The following EEF1E1 variants were observed in gnomAD, a reference collection of about 807,000 sequenced individuals.
EEF1E1 encodes the protein eukaryotic translation elongation factor 1 epsilon 1.
EEF1E1 carries 19 observed loss-of-function variants against 19.9 expected under a neutral mutation model. The observed-to-expected ratio is 0.95, with a 90% CI of 0.66 to 1.40. The LOEUF (loss-of-function observed/expected upper bound fraction) is 1.40. Among genes scored for constraint, EEF1E1 ranks in the 40% most tolerant of loss-of-function variants. The pLI is 0.00. For missense variants in EEF1E1, 198 were observed against 202.2 expected (o/e 0.98, Z 0.13); for synonymous variants, 81 against 80.0 (o/e 1.01, Z -0.07).
In EEF1E1 at chr6:8,101,246, ATATATATATATAT is replaced by A. The variant is rs1758352289; in HGVS notation, c.87+1176_87+1188del. On this transcript the variant is annotated intron_variant, in intron 1 of 3. Transcript: ENST00000379715. Reference sequence around the variant, plus strand: ...GTCTCAAAAAAAAAAAAAAAAAAATATATATATATATATATATATATATATATATATATATATG... The same window carrying A: ...GTCTCAAAAAAAAAAAAAAAAAAATAATATATATATATATATATATATATG... Among the ~76,000 whole-genome samples the A allele has an allele frequency of 4.4e-4, 21 of 47,196 alleles. 4 individuals carry two copies. The highest frequency in any genetic ancestry group is 1.5e-3 in the African/African-American group (14 of 9,278). 31.0% of individuals were successfully genotyped at this position (47,196 alleles called of 152,430 possible).
intron 3 of EEF1E1, among the ~76,000 whole-genome samples, chr6:8,080,734 A>T (rs1354013222): frequency 6.6e-6 from 1 of 152,262 alleles, no homozygotes; most frequent in Non-Finnish European, 1.5e-5. Context: ...TCAGGTAAAG[A>T]GAAAACCAGT....
intron 3 of EEF1E1, chr6:8,073,631 T>G: frequency 7.4e-7 from 1 of 1,349,686 alleles, no homozygotes; most frequent in Non-Finnish European, 9.9e-7. Context: ...TTAACAGATA[T>G]TTTAAAAAGT....
chr6:8,091,742 G>A (rs1758016258), intron 2 of EEF1E1, among the ~76,000 whole-genome samples: 2 of 152,168 alleles, frequency 1.3e-5, no homozygotes, highest in Admixed American at 1.3e-4. Flanking sequence ...TTTTGTAAAT[G>A]AGTTATATGA....
At chr6:8,077,099 A>G (rs866944199), downstream of EEF1E1, among the ~76,000 whole-genome samples, 12 of 151,936 alleles carry the variant, frequency 7.9e-5, no homozygotes, top group South Asian at 4.2e-4. Flanking sequence ...GCCCGCCACC[A>G]CACCCAGCTA....
chr6:8,094,767 A>C (rs1758119672), intron 2 of EEF1E1, among the ~76,000 whole-genome samples: 2 of 152,180 alleles, frequency 1.3e-5, no homozygotes, highest in South Asian at 4.1e-4. Flanking sequence ...CCAAGAGAGT[A>C]AGACAAACCC....
chr6:8,080,067 A>G (rs757436701), intron 3 of EEF1E1, 37 bp from the exon 4 acceptor site: 1 of 1,603,418 alleles, frequency 6.2e-7, no homozygotes, highest in Non-Finnish European at 8.5e-7. Flanking sequence ...CACAACACAG[A>G]TGTTACATAA....
downstream of EEF1E1, among the ~76,000 whole-genome samples, chr6:8,076,010 T>C (rs931545370): frequency 1.3e-5 from 2 of 152,188 alleles, no homozygotes; most frequent in African/African-American, 4.8e-5. Flanking sequence ...TTATCAAGAC[T>C]GCGGCAATTC....
intron 2 of EEF1E1, 141 bp downstream of exon 2, chr6:8,097,126 C>T: frequency 3.7e-6 from 3 of 813,462 alleles, no homozygotes; most frequent in Non-Finnish European, 4.0e-6. Flanking sequence ...CTGTTCCAGG[C>T]AGAGGGAATA....
intron 3 of EEF1E1, among the ~76,000 whole-genome samples, chr6:8,085,857 G>C (rs1243984598): frequency 6.6e-6 from 1 of 152,088 alleles, no homozygotes; most frequent in African/African-American, 2.4e-5. Flanking sequence ...ATTCTGACCA[G>C]AGATTAGCAC....
chr6:8,094,369 G>A (rs1415268207), intron 2 of EEF1E1, among the ~76,000 whole-genome samples: 1 of 151,872 alleles, frequency 6.6e-6, no homozygotes, highest in Non-Finnish European at 1.5e-5. Context: ...GGCCGAGGCG[G>A]GTGGACCACT....
In EEF1E1 at chr6:8,102,547, G is replaced by T. The variant is rs1320645479; in HGVS notation, c.-26C>A. 1.9e-6 allele frequency: 3 copies of T among 1,604,712 alleles called. No homozygotes were observed. In the African/African-American group the frequency reaches 4.0e-5, roughly 21 times the overall value. On this transcript the variant is annotated 5_prime_UTR_variant, in exon 1 of 4. Coordinates refer to ENST00000379715, the MANE Select transcript of EEF1E1 (RefSeq NM_004280.5). ...CTTCCGGCCGTAGCTCCTGGCAGAC[G>T]CGAGACCTGCAGAACAAGAACCTCC...
At chr6:8,102,375 G>C in intron 1 of EEF1E1, 60 bp downstream of exon 1, 4 of 1,531,108 alleles carry the variant, frequency 2.6e-6, no homozygotes, top group African/African-American at 1.4e-5. Context: ...GGTCCTGCCA[G>C]GGCTCGGCAG....
rs74697000 is a variant in EEF1E1, at chr6:8,082,670, A to G, written c.385-2640T>C. ...ATGTACATTTATTCATTTTTCCCTCAGGAAACTTTTGCCAGAAACTCACAG... is the reference window on the plus strand; with the variant it reads ...ATGTACATTTATTCATTTTTCCCTCGGGAAACTTTTGCCAGAAACTCACAG... On this transcript the variant is annotated intron_variant, in intron 3 of 3. Transcript: ENST00000379715. Among the ~76,000 whole-genome samples, 734 of 152,314 alleles carry G rather than the reference A, an allele frequency of 4.8e-3. 6 individuals are homozygous for G. The highest frequency in any genetic ancestry group is 0.016 in the African/African-American group (679 of 41,574).
chr6:8,100,799 C>T (rs1419412531), intron 1 of EEF1E1, among the ~76,000 whole-genome samples: 2 of 151,312 alleles, frequency 1.3e-5, no homozygotes, highest in East Asian at 1.9e-4. Context: ...CTTACCCTGG[C>T]GCCACCAGCC....
intron 3 of EEF1E1, among the ~76,000 whole-genome samples, chr6:8,074,072 C>G (rs1757538240): frequency 6.6e-6 from 1 of 152,178 alleles, no homozygotes; most frequent in Non-Finnish European, 1.5e-5. Context: ...CTTTTGCTGT[C>G]CCCCTCTTGC....
chr6:8,096,440 C>G (rs1368789083), intron 2 of EEF1E1, among the ~76,000 whole-genome samples: 1 of 152,166 alleles, frequency 6.6e-6, no homozygotes, highest in Admixed American at 6.5e-5. Context: ...CTGAAACTGA[C>G]TTTGTACCAG....
intron 1 of EEF1E1, chr6:8,102,134 G>A (rs1758383316): frequency 7.7e-7 from 1 of 1,296,626 alleles, no homozygotes; most frequent in African/African-American, 1.5e-5. Context: ...GTTGGTCTAA[G>A]AGCCCTGTGA....
At chr6:8,075,507 G>A (rs1757568309), downstream of EEF1E1, among the ~76,000 whole-genome samples, 1 of 152,020 alleles carries the variant, frequency 6.6e-6, no homozygotes, top group African/African-American at 2.4e-5. Flanking sequence ...GAGTCTATTC[G>A]GTGTACAACA....
chr6:8,098,068 TG>T (rs1758221024), intron 1 of EEF1E1, among the ~76,000 whole-genome samples: 4 of 144,004 alleles, frequency 2.8e-5, no homozygotes, highest in Admixed American at 2.7e-4. Context: ...AAAAAAGAAT[TG>T]TTTTTTTGGG....
Sources: gnomAD v4.1 joint callset for allele counts (sites outside exome capture counted in the v4.1 genomes callset) on GRCh38, gnomAD v4.1.1 for gene constraint, MANE v1.5 for transcripts, NCBI Gene and HGNC (gene_info 2026-07-23, HGNC 2026-07-21) for gene names.